The following ROR2 variants were observed in gnomAD, a reference collection of about 807,000 sequenced individuals.
The protein encoded by ROR2 is ROR family WNT receptor 2, also known as tyrosine-protein kinase transmembrane receptor ROR2.
ROR2 carries 33 observed loss-of-function variants against 74.9 expected under a neutral mutation model. That is an observed-to-expected ratio of 0.44 (90% CI 0.33 to 0.59). ROR2 has a LOEUF of 0.59. ROR2 is among the 20% of genes least tolerant of loss of function. The pLI, the probability that ROR2 is intolerant of heterozygous loss-of-function variation, is 0.02. For missense variants in ROR2, 1,216 were observed against 1,313.8 expected (o/e 0.93, Z 1.15); for synonymous variants, 586 against 558.7 (o/e 1.05, Z -0.69).
intron 1 of ROR2, among the ~76,000 whole-genome samples, chr9:91,936,977 C>CCGAGAT (rs1328447692): frequency 7.1e-6 from 1 of 141,088 alleles, no homozygotes; most frequent in Non-Finnish European, 1.5e-5. Context: ...TTGCAGTGAG[C>CCGAGAT]CGAGATCCCG....
chr9:91,902,029 C>T (rs368202682), intron 1 of ROR2, among the ~76,000 whole-genome samples: 4 of 152,202 alleles, frequency 2.6e-5, no homozygotes, highest in African/African-American at 4.8e-5. Flanking sequence ...CCAGTCCCAA[C>T]ATTTAATCCA....
At chr9:91,896,170 C>G (rs944649088) in intron 1 of ROR2, among the ~76,000 whole-genome samples, 5 of 152,176 alleles carry the variant, frequency 3.3e-5, no homozygotes, top group Non-Finnish European at 5.9e-5. Flanking sequence ...GAGAAATTCA[C>G]GCAGTGCATA....
At chr9:91,741,314 TAATAATA>T (rs1239107317) in intron 4 of ROR2, among the ~76,000 whole-genome samples, 1 of 127,836 alleles carries the variant, frequency 7.8e-6, no homozygotes, top group Non-Finnish European at 1.6e-5. Flanking sequence ...GTAATAATAA[TAATAATA>T]ATAATAATAA....
chr9:91,944,919 G>A (rs1056542525), intron 1 of ROR2, among the ~76,000 whole-genome samples: 24 of 152,008 alleles, frequency 1.6e-4, no homozygotes, highest in African/African-American at 5.1e-4. Flanking sequence ...AGCCAGGCAC[G>A]GTAGCGCGTG....
At chr9:91,839,183 T>A in intron 1 of ROR2, among the ~76,000 whole-genome samples, 1 of 151,842 alleles carries the variant, frequency 6.6e-6, no homozygotes, top group Non-Finnish European at 1.5e-5. Flanking sequence ...GGAGGCTGGG[T>A]GTATTTCGTG....
intron 1 of ROR2, among the ~76,000 whole-genome samples, chr9:91,903,833 C>A (rs1431805681): frequency 2.6e-5 from 4 of 152,114 alleles, no homozygotes; most frequent in Admixed American, 6.5e-5. Context: ...CAATAAAATG[C>A]CCATACTTAT....
intron 7 of ROR2, among the ~76,000 whole-genome samples, chr9:91,727,621 C>G (rs1467431011): frequency 6.6e-6 from 1 of 152,120 alleles, no homozygotes; most frequent in Non-Finnish European, 1.5e-5. Context: ...GGACGCTGAC[C>G]CTAAGCCTGG....
chr9:91,862,316 C>T (rs1407624231), intron 1 of ROR2, among the ~76,000 whole-genome samples: 2 of 150,958 alleles, frequency 1.3e-5, no homozygotes, highest in Admixed American at 6.6e-5. Context: ...GGTGACAGAG[C>T]GAGACTCCAT....
In ROR2 at chr9:91,724,352, G is replaced by C. The variant is rs764559078; in HGVS notation, c.2142C>G (p.Pro714=). The C allele has an allele frequency of 3.1e-6, 5 of 1,613,610 alleles. No homozygotes were observed. The South Asian group carries it at 4.4e-5, about 14-fold the overall frequency. Reference sequence around the variant, plus strand: ...CATACACCCAGGCGGGACAGTCATCGGGGCAAGGCAGCACCTGCCGGTTCC... The same window carrying C: ...CATACACCCAGGCGGGACAGTCATCCGGGCAAGGCAGCACCTGCCGGTTCC... The part of the protein sequence containing the change: ...MIRNRQVLPC[P]DDCPAWVYAL... The change falls in exon 9 of 9, where the codon CCC becomes CCG. Residue 714 remains proline (P), a synonymous_variant. Transcript: ENST00000375708.
chr9:91,879,694 C>CAAGGTATGCA (rs1366073609), intron 1 of ROR2, among the ~76,000 whole-genome samples: 2 of 152,092 alleles, frequency 1.3e-5, no homozygotes, highest in Non-Finnish European at 2.9e-5. Context: ...AATGCAACAT[C>CAAGGTATGCA]AAGGTATGCC....
rs189018414 is a variant in ROR2, at chr9:91,917,194, A to C, written c.97+32673T>G. On this transcript the variant is annotated intron_variant, in intron 1 of 8. Transcript: ENST00000375708. ...GGCATGAATTTCAAATTCCCTCTTC[A>C]AACAGACTCTCTGTTCTATTTTTTG... 7.2e-5 allele frequency among the ~76,000 whole-genome samples: 11 copies of C among 152,340 alleles called. No individual in the cohort carries two copies. The East Asian group carries it at 1.7e-3, about 24-fold the overall frequency.
chr9:91,766,432 C>G (rs751656611), intron 2 of ROR2, among the ~76,000 whole-genome samples: 2 of 152,170 alleles, frequency 1.3e-5, no homozygotes, highest in African/African-American at 4.8e-5. Context: ...TTCATATAAG[C>G]ATTTGCATCT....
intron 1 of ROR2, among the ~76,000 whole-genome samples, chr9:91,806,629 G>A (rs1032103899): frequency 4.6e-5 from 7 of 152,064 alleles, no homozygotes; most frequent in Non-Finnish European, 7.4e-5. Context: ...TCGCTCTGTC[G>A]CCCAGGCTGG....
chr9:91,934,933 T>C (rs1251261451), intron 1 of ROR2, among the ~76,000 whole-genome samples: 1 of 152,124 alleles, frequency 6.6e-6, no homozygotes, highest in Non-Finnish European at 1.5e-5. Context: ...ACTAAAATGA[T>C]GACACACTAA....
intron 1 of ROR2, among the ~76,000 whole-genome samples, chr9:91,788,860 CAAAA>C (rs60152648): frequency 3.5e-5 from 3 of 86,826 alleles, no homozygotes; most frequent in Non-Finnish European, 5.0e-5. Flanking sequence ...GACTCTGTCT[CAAAA>C]AAAAAAAAAA....
At chr9:91,857,815 A>C (rs1238043724) in intron 1 of ROR2, among the ~76,000 whole-genome samples, 1 of 152,152 alleles carries the variant, frequency 6.6e-6, no homozygotes, top group African/African-American at 2.4e-5. Context: ...CAGGTTCAAC[A>C]ATCTGGTTTT....
At chr9:91,856,462 G>C (rs1829291724) in intron 1 of ROR2, among the ~76,000 whole-genome samples, 1 of 152,244 alleles carries the variant, frequency 6.6e-6, no homozygotes, top group Non-Finnish European at 1.5e-5. Flanking sequence ...TTTGGAGACA[G>C]ACTTTTAAAG....
chr9:91,837,319 G>A (rs1000816667), intron 1 of ROR2, among the ~76,000 whole-genome samples: 3 of 152,170 alleles, frequency 2.0e-5, no homozygotes, highest in East Asian at 1.9e-4. Context: ...TGATCGGCCC[G>A]CCTCAGCCTC....
intron 1 of ROR2, among the ~76,000 whole-genome samples, chr9:91,868,666 C>G (rs73517091): frequency 0.071 from 10,842 of 152,238 alleles, 451 homozygotes; most frequent in Middle Eastern, 0.13. Flanking sequence ...GTGGCACAGA[C>G]TATTTAAAGT....
Sources: allele counts gnomAD v4.1 joint callset (sites outside exome capture counted in the v4.1 genomes callset), GRCh38; gene constraint gnomAD v4.1.1; transcripts MANE v1.5; gene names NCBI Gene and HGNC (gene_info 2026-07-23, HGNC 2026-07-21).